Variants in GOLM2 observed in about 807,000 individuals in gnomAD.
GOLM2 encodes the protein protein GOLM2.
In GOLM2, 26 loss-of-function variants were observed where a neutral mutation model predicts 55.9. The ratio of observed to expected loss-of-function variants is 0.47; its 90% CI spans 0.34 to 0.65. The LOEUF is 0.65. Ranked by LOEUF, GOLM2 falls within the 30% of genes least tolerant of loss-of-function variation. The pLI is 0.01. For missense variants in GOLM2, 486 were observed against 531.8 expected (o/e 0.91, Z 0.85); for synonymous variants, 165 against 194.6 (o/e 0.85, Z 1.27).
At chr15:44,396,795 A>G (rs966623843) in intron 8 of GOLM2, among the ~76,000 whole-genome samples, 4 of 152,224 alleles carry the variant, frequency 2.6e-5, no homozygotes, top group Admixed American at 6.5e-5. Context: ...TATTTAATAG[A>G]CTTTAGCTCA....
At chr15:44,330,461 C>T (rs1225323335) in intron 3 of GOLM2, among the ~76,000 whole-genome samples, 1 of 146,572 alleles carries the variant, frequency 6.8e-6, no homozygotes, top group African/African-American at 2.5e-5. Flanking sequence ...TGTAGTGAGC[C>T]GAGATCGCGC....
intron 1 of GOLM2, among the ~76,000 whole-genome samples, chr15:44,298,143 ACAGGCATGAGCCAC>A (rs997100232): frequency 5.3e-5 from 8 of 151,870 alleles, no homozygotes; most frequent in African/African-American, 1.5e-4. Context: ...TGCTGGGATT[ACAGGCATGAGCCAC>A]CACACCTGGC....
chr15:44,385,522 T>C (rs1326731102), intron 8 of GOLM2, among the ~76,000 whole-genome samples: 4 of 151,996 alleles, frequency 2.6e-5, no homozygotes, highest in East Asian at 1.9e-4. Flanking sequence ...CTTTGGAGAA[T>C]TGTTCTTTCA....
At chr15:44,292,677 C>T (rs375787071) in intron 1 of GOLM2, among the ~76,000 whole-genome samples, 5 of 152,190 alleles carry the variant, frequency 3.3e-5, no homozygotes, top group African/African-American at 1.2e-4. Flanking sequence ...TTTGAGCTGG[C>T]TATAACAACT....
At chr15:44,301,325 C>G (rs2078795889) in intron 1 of GOLM2, among the ~76,000 whole-genome samples, 1 of 152,108 alleles carries the variant, frequency 6.6e-6, no homozygotes, top group South Asian at 2.1e-4. Context: ...GAAACTTCTT[C>G]CCTTTAGCTT....
At chr15:44,341,255 T>G (rs1173779044) in intron 6 of GOLM2, among the ~76,000 whole-genome samples, 1 of 151,962 alleles carries the variant, frequency 6.6e-6, no homozygotes, top group Non-Finnish European at 1.5e-5. Flanking sequence ...TAATTTTTTG[T>G]ATTTCTAGCA....
At chr15:44,291,772 A>G (rs979804992) in intron 1 of GOLM2, among the ~76,000 whole-genome samples, 1 of 152,158 alleles carries the variant, frequency 6.6e-6, no homozygotes, top group African/African-American at 2.4e-5. Flanking sequence ...TTGCTCTCCC[A>G]TAAGAGCAGT....
chr15:44,374,185 A>C (rs1052241908), intron 6 of GOLM2, among the ~76,000 whole-genome samples: 1 of 152,146 alleles, frequency 6.6e-6, no homozygotes, highest in African/African-American at 2.4e-5. Context: ...AATAATACAA[A>C]AATCAGTGAT....
At chr15:44,371,459 A>G (rs1366599246) in intron 6 of GOLM2, among the ~76,000 whole-genome samples, 1 of 152,228 alleles carries the variant, frequency 6.6e-6, no homozygotes, top group Non-Finnish European at 1.5e-5. Flanking sequence ...ATATGAGAAC[A>G]TAATTTTAAG....
chr15:44,299,384 C>T (rs983211439), intron 1 of GOLM2, among the ~76,000 whole-genome samples: 5 of 151,872 alleles, frequency 3.3e-5, no homozygotes, highest in Non-Finnish European at 5.9e-5. Context: ...CCTCCACCTC[C>T]CGAGTTCAAG....
At chr15:44,340,057 A>T (rs907454348) in intron 6 of GOLM2, among the ~76,000 whole-genome samples, 2 of 152,182 alleles carry the variant, frequency 1.3e-5, no homozygotes, top group African/African-American at 2.4e-5. Flanking sequence ...CCTAGCCTTA[A>T]GCAATCTGCC....
intron 6 of GOLM2, 102 bp downstream of exon 6, chr15:44,338,419 G>T: frequency 1.2e-6 from 1 of 800,614 alleles, no homozygotes; most frequent in South Asian, 1.9e-5. Flanking sequence ...ACAGATATCT[G>T]GATGATCGAT....
rs555321666 is a variant in GOLM2, at chr15:44,399,598, A to C, written c.1073-3289A>C. ...GAATATTATAACAGGTACAAGTGGG[A>C]CATTTCTTTATTCCATGTCTGACAA... On this transcript the variant is annotated intron_variant, in intron 8 of 9. Coordinates refer to ENST00000299957, the MANE Select transcript of GOLM2 (RefSeq NM_138423.4). 5.3e-5 allele frequency among the ~76,000 whole-genome samples: 8 copies of C among 152,304 alleles called. No individual in the cohort carries two copies. The South Asian group carries it at 1.7e-3, about 32-fold the overall frequency.
At position 44,350,621 on chromosome 15, in the gene GOLM2, A is replaced by G. The variant is rs145757253; in HGVS notation, c.802+12304A>G. ...GAGGGAATACTTCCAAACTCATTCTAGGAGACGAGTAATAGCCTGATACCA... is the reference window on the plus strand; with the variant it reads ...GAGGGAATACTTCCAAACTCATTCTGGGAGACGAGTAATAGCCTGATACCA... On this transcript the variant is annotated intron_variant, in intron 6 of 9. Coordinates refer to ENST00000299957, the MANE Select transcript of GOLM2 (RefSeq NM_138423.4). Among the ~76,000 whole-genome samples, 193 of 152,364 alleles carry G rather than the reference A, an allele frequency of 1.3e-3. 1 individual carries two copies. Among genetic ancestry groups the G allele is most frequent in the African/African-American group, 4.4e-3 (182 of 41,592 alleles).
intron 1 of GOLM2, among the ~76,000 whole-genome samples, chr15:44,304,139 C>G (rs1241106889): frequency 6.6e-6 from 1 of 150,690 alleles, no homozygotes; most frequent in Non-Finnish European, 1.5e-5. Context: ...CTCCCAAAGT[C>G]CTGGGATTAC....
chr15:44,380,691 C>A, intron 7 of GOLM2, 115 bp from the exon 8 acceptor site: 3 of 585,878 alleles, frequency 5.1e-6, no homozygotes, highest in African/African-American at 2.0e-5. Context: ...AGCTTTGTGG[C>A]TACCCAATGT....
chr15:44,386,279 T>TTA, intron 8 of GOLM2, among the ~76,000 whole-genome samples: 1 of 152,340 alleles, frequency 6.6e-6, no homozygotes, highest in African/African-American at 2.4e-5. Flanking sequence ...GCAACATTTA[T>TTA]TGAAAAGACT....
intron 6 of GOLM2, among the ~76,000 whole-genome samples, chr15:44,358,343 ACT>A (rs2079211528): frequency 6.6e-6 from 1 of 152,186 alleles, no homozygotes; most frequent in African/African-American, 2.4e-5. Flanking sequence ...ACAGAGCGAG[ACT>A]CTGTCTCAAA....
rs372106530 is a variant in GOLM2 at position 44,291,875 on chromosome 15, G to A, written c.327+2519G>A. The stretch of plus-strand genomic sequence containing the variant: ...ATGAAAACCTTTTTTGGAGGGAAAT[G>A]TTAGTGTATCCTCCTCTTGGAATTC... On this transcript the variant is annotated intron_variant, in intron 1 of 9. Transcript: ENST00000299957. Among the ~76,000 whole-genome samples the A allele has an allele frequency of 6.6e-5, 10 of 152,152 alleles. No homozygotes were observed. In the East Asian group the frequency reaches 7.7e-4, roughly 12 times the overall value.
Sources: allele counts gnomAD v4.1 joint callset (sites outside exome capture counted in the v4.1 genomes callset), GRCh38; gene constraint gnomAD v4.1.1; transcripts MANE v1.5; gene names NCBI Gene and HGNC (gene_info 2026-07-23, HGNC 2026-07-21).